Variants in ADGRE2 observed in about 807,000 individuals in gnomAD.
ADGRE2 encodes CD97 antigen.
ADGRE2 carries 83 observed loss-of-function variants against 100.8 expected under a neutral mutation model. The ratio of observed to expected loss-of-function variants is 0.82; its 90% CI spans 0.69 to 0.99. The LOEUF (loss-of-function observed/expected upper bound fraction) is 0.99. Ranked by LOEUF, ADGRE2 falls within the 50% of genes least tolerant of loss-of-function variation. The pLI is 0.00. For synonymous variants in ADGRE2, 355 were observed against 413.0 expected, an observed-to-expected ratio of 0.86 and a Z score of 1.70; for missense variants, 814 against 1,035.7, an observed-to-expected ratio of 0.79 and a Z score of 2.94.
intron 20 of ADGRE2, among the ~76,000 whole-genome samples, chr19:14,740,421 A>G (rs576314031): frequency 6.6e-6 from 1 of 152,142 alleles, no homozygotes; most frequent in South Asian, 2.1e-4. Context: ...CGGGAATTTG[A>G]GACCAACCTG....
intron 1 of ADGRE2, 90 bp from the exon 2 acceptor site, chr19:14,777,017 T>TACACACACAC (rs2044471150): frequency 1.3e-6 from 1 of 746,364 alleles, no homozygotes; most frequent in Non-Finnish European, 1.7e-6. Flanking sequence ...CACACACACG[T>TACACACACAC]GTACTCGCTC....
downstream of ADGRE2, among the ~76,000 whole-genome samples, chr19:14,729,209 A>G (rs550151803): frequency 6.6e-6 from 1 of 152,326 alleles, no homozygotes; most frequent in African/African-American, 2.4e-5. Flanking sequence ...ATTGCATCCT[A>G]CAGTCAGGGT....
chr19:14,746,374 T>TA, intron 17 of ADGRE2, 51 bp from the exon 18 acceptor site: 3 of 925,458 alleles, frequency 3.2e-6, no homozygotes, highest in Non-Finnish European at 5.0e-6. Flanking sequence ...ACCTGTTATC[T>TA]CTTTTTTTTT....
downstream of ADGRE2, among the ~76,000 whole-genome samples, chr19:14,728,678 C>T (rs2524363): frequency 0.36 from 55,156 of 151,992 alleles, 10,226 homozygotes; most frequent in Middle Eastern, 0.49. Flanking sequence ...CAAAAACTTC[C>T]ATGTGAATCC....
intron 16 of ADGRE2, among the ~76,000 whole-genome samples, chr19:14,748,389 A>T (rs1489588722): frequency 6.6e-6 from 1 of 151,992 alleles, no homozygotes; most frequent in East Asian, 1.9e-4. Context: ...GCTCACTGCA[A>T]ACTCCACCTC....
intron 20 of ADGRE2, among the ~76,000 whole-genome samples, chr19:14,742,865 T>A (rs1312559833): frequency 6.6e-6 from 1 of 152,080 alleles, no homozygotes; most frequent in African/African-American, 2.4e-5. Context: ...AGGTGTCCAA[T>A]AGGAGTGTTT....
chr19:14,776,499 A>G lies in ADGRE2; in HGVS notation c.31+227T>C, dbSNP rs370622018. On this transcript the variant is annotated intron_variant, in intron 2 of 20. Coordinates refer to ENST00000315576, the MANE Select transcript of ADGRE2 (RefSeq NM_013447.4). ...AGAAAGCTTGAGGATCCCTCCGGGC[A>G]GGGTAGCAGGCTCCGAGAGCACCCT... 19 of 577,368 alleles carry G rather than the reference A, an allele frequency of 3.3e-5. No individual in the cohort carries two copies. The East Asian group carries it at 4.4e-4, about 13-fold the overall frequency. 35.8% of individuals were successfully genotyped at this position (577,368 alleles called of 1,614,324 possible).
intron 5 of ADGRE2, chr19:14,768,898 C>T (rs950909584): frequency 2.0e-5 from 3 of 152,312 alleles, no homozygotes; most frequent in African/African-American, 7.2e-5. Flanking sequence ...CTCCCTCCTC[C>T]TTCATTTCTG....
intron 17 of ADGRE2, 58 bp from the exon 18 acceptor site, chr19:14,746,381 T>C: frequency 9.7e-7 from 1 of 1,028,096 alleles, no homozygotes; most frequent in Non-Finnish European, 1.5e-6. Flanking sequence ...ATCTCTTTTT[T>C]TTTTTTTTTC....
downstream of ADGRE2, chr19:14,731,373 CT>C: frequency 3.3e-6 from 2 of 607,658 alleles, no homozygotes; most frequent in Non-Finnish European, 5.8e-6. Context: ...TAACTTCCGG[CT>C]TCCGGGAGCT....
rs1229109608 is a variant in ADGRE2, at chr19:14,774,156, A to AG, written c.82+99dup. 7.3e-6 allele frequency: 11 copies of AG among 1,516,162 alleles called. 1 individual carries two copies. Among genetic ancestry groups the AG allele is most frequent in the Non-Finnish European group, 9.1e-6 (10 of 1,098,114 alleles). The allele number at this position is 1,516,162 out of a possible 1,614,324, so 93.9% of individuals were successfully genotyped here. A position where few individuals can be genotyped will look rare whatever the true frequency, so the allele number is the denominator to read the frequency against. ...CAGAGCGCTGAGTTTCCCGTGCACG[A>AG]GCCCTCTCTTTCCCTGGGCTGAAGG... On this transcript the variant is annotated intron_variant, in intron 3 of 20. Transcript: ENST00000315576.
intron 14 of ADGRE2, among the ~76,000 whole-genome samples, chr19:14,753,109 T>C (rs933984176): frequency 6.6e-6 from 1 of 151,830 alleles, no homozygotes; most frequent in Non-Finnish European, 1.5e-5. Context: ...GGTCTTTCTG[T>C]GTTGCACAGG....
At chr19:14,743,331 G>T in intron 20 of ADGRE2, 89 bp downstream of exon 20, 1 of 999,360 alleles carries the variant, frequency 1.0e-6, no homozygotes, top group Non-Finnish European at 1.6e-6. Flanking sequence ...GGCATTGCCT[G>T]CTGTATTCCC....
chr19:14,762,382 A>T (rs928378500), intron 11 of ADGRE2, among the ~76,000 whole-genome samples: 6 of 152,144 alleles, frequency 3.9e-5, no homozygotes, highest in African/African-American at 1.4e-4. Flanking sequence ...AAGGAGCTAG[A>T]CTAGATGGTC....
Position 14,772,486 on chromosome 19 carries a change from A to G in ADGRE2, c.211T>C (p.Cys71Arg). The G allele has an allele frequency of 1.3e-5, 21 of 1,613,698 alleles. No individual in the cohort carries two copies. The highest frequency in any genetic ancestry group is 1.8e-5 in the Non-Finnish European group (21 of 1,179,942). ...CATGACACTTTCGACAGTGTTGCAC[A>G]CTCGTTGATGTCTGGAACACAACAG... ...PMETCDDINE[C>R]ATLSKVSCGK... Residue 71 changes from cysteine to arginine, a missense_variant, in exon 5 of 21, where the codon TGT becomes CGT. Physicochemically the swap from Cys to Arg is radical, Grantham distance 180. Coordinates refer to ENST00000315576, the MANE Select transcript of ADGRE2 (RefSeq NM_013447.4).
downstream of ADGRE2, among the ~76,000 whole-genome samples, chr19:14,727,492 G>C (rs2042641368): frequency 6.6e-6 from 1 of 152,142 alleles, no homozygotes; most frequent in South Asian, 2.1e-4. Flanking sequence ...AGACAGAGTA[G>C]AGACGTTCCA....
intron 10 of ADGRE2, 130 bp downstream of exon 10, chr19:14,765,190 A>G (rs2043909077): frequency 2.2e-6 from 2 of 897,836 alleles, no homozygotes; most frequent in African/African-American, 1.7e-5. Flanking sequence ...CCAGCCCTGA[A>G]AGATGCTGGG....
chr19:14,746,555 G>A (rs1185139262), intron 17 of ADGRE2, among the ~76,000 whole-genome samples: 2 of 151,866 alleles, frequency 1.3e-5, no homozygotes, highest in Non-Finnish European at 2.9e-5. Context: ...TAGAGACAGG[G>A]TTTCACCATG....
At chr19:14,776,191 C>T (rs2044430580) in intron 2 of ADGRE2, among the ~76,000 whole-genome samples, 1 of 151,372 alleles carries the variant, frequency 6.6e-6, no homozygotes, top group Non-Finnish European at 1.5e-5. Flanking sequence ...GAGAGAGAGA[C>T]AAAGAGGCAG....
Sources: allele counts gnomAD v4.1 joint callset (sites outside exome capture counted in the v4.1 genomes callset), GRCh38; gene constraint gnomAD v4.1.1; transcripts MANE v1.5; gene names NCBI Gene and HGNC (gene_info 2026-07-23, HGNC 2026-07-21).